PRKG1: variants seen among roughly 807,000 people sequenced by gnomAD.
PRKG1 encodes the protein protein kinase cGMP-dependent 1.
In PRKG1, 35 loss-of-function variants were observed where a neutral mutation model predicts 88.1. The ratio of observed to expected loss-of-function variants is 0.40; its 90% CI spans 0.30 to 0.53. The LOEUF is 0.53. Among genes scored for constraint, PRKG1 ranks in the 20% least tolerant of loss-of-function variants. The pLI is 0.59. For missense variants in PRKG1, 540 were observed against 839.8 expected (o/e 0.64, Z 4.41); for synonymous variants, 303 against 292.5 (o/e 1.04, Z -0.37).
In PRKG1 at chr10:51,091,734, G is replaced by C. The variant is rs144966647; in HGVS notation, c.311+16833G>C. On this transcript the variant is annotated intron_variant, in intron 1 of 17. Coordinates refer to ENST00000373980, the MANE Select transcript of PRKG1 (RefSeq NM_006258.4). ...GCAGTAACAACAGCAGTAGTAGCAGGTTGCCATTTATAGAATACTTACGGT... is the reference window on the plus strand; with the variant it reads ...GCAGTAACAACAGCAGTAGTAGCAGCTTGCCATTTATAGAATACTTACGGT... 1.2e-3 allele frequency among the ~76,000 whole-genome samples: 188 copies of C among 152,238 alleles called. 1 individual carries two copies. The highest frequency in any genetic ancestry group is 4.2e-3 in the African/African-American group (176 of 41,554).
chr10:52,099,109 C>T (rs761548408), intron 7 of PRKG1, among the ~76,000 whole-genome samples: 7 of 152,180 alleles, frequency 4.6e-5, no homozygotes, highest in Admixed American at 1.3e-4. Context: ...TGGACTGTTA[C>T]AAGTTGGCTT....
intron 1 of PRKG1, among the ~76,000 whole-genome samples, chr10:51,068,928 C>T (rs552169709): frequency 6.6e-6 from 1 of 152,004 alleles, no homozygotes; most frequent in African/African-American, 2.4e-5. Context: ...AAATTTTACA[C>T]TTATTTCAAA....
intron 2 of PRKG1, among the ~76,000 whole-genome samples, chr10:51,424,402 TC>T (rs1838512038): frequency 6.6e-6 from 1 of 152,130 alleles, no homozygotes; most frequent in South Asian, 2.1e-4. Context: ...AAAGAAAAAT[TC>T]TTTCAAGAAC....
intron 7 of PRKG1, among the ~76,000 whole-genome samples, chr10:52,116,408 A>G (rs1263184227): frequency 6.6e-6 from 1 of 152,148 alleles, no homozygotes; most frequent in Non-Finnish European, 1.5e-5. Flanking sequence ...TGAATGAATG[A>G]GCCGATGTTA....
At chr10:52,103,015 T>C (rs777723377) in intron 7 of PRKG1, among the ~76,000 whole-genome samples, 5 of 152,236 alleles carry the variant, frequency 3.3e-5, no homozygotes, top group Non-Finnish European at 7.3e-5. Context: ...CTCCACCTCC[T>C]GTCAGATCAG....
intron 1 of PRKG1, among the ~76,000 whole-genome samples, chr10:51,060,384 C>T (rs1485792600): frequency 6.6e-6 from 1 of 151,832 alleles, no homozygotes; most frequent in African/African-American, 2.4e-5. Context: ...ATTTTTCTTT[C>T]CTTTTTTGCC....
At chr10:51,358,749 G>A (rs956951729) in intron 2 of PRKG1, among the ~76,000 whole-genome samples, 2 of 151,996 alleles carry the variant, frequency 1.3e-5, no homozygotes, top group Non-Finnish European at 2.9e-5. Context: ...TAAAGCCTAA[G>A]TTAGCTAATT....
intron 3 of PRKG1, among the ~76,000 whole-genome samples, chr10:51,666,594 A>C (rs1299886555): frequency 6.6e-6 from 1 of 152,164 alleles, no homozygotes; most frequent in African/African-American, 2.4e-5. Context: ...AATGCTACTT[A>C]CCCTTGAAGT....
intron 2 of PRKG1, among the ~76,000 whole-genome samples, chr10:51,263,114 C>G (rs1048594702): frequency 6.6e-6 from 1 of 152,134 alleles, no homozygotes; most frequent in Admixed American, 6.6e-5. Context: ...GAACACAAGC[C>G]TTTATAGGAT....
chr10:51,164,263 C>T (rs1349706810), intron 2 of PRKG1, among the ~76,000 whole-genome samples: 1 of 152,198 alleles, frequency 6.6e-6, no homozygotes, highest in Admixed American at 6.5e-5. Context: ...TCTGCAGCCA[C>T]CGCTGCTGTT....
chr10:51,645,226 A>G (rs936472981), intron 3 of PRKG1, among the ~76,000 whole-genome samples: 1 of 152,162 alleles, frequency 6.6e-6, no homozygotes, highest in Non-Finnish European at 1.5e-5. Context: ...GTTTGTTTAC[A>G]TGTACATTTT....
intron 9 of PRKG1, among the ~76,000 whole-genome samples, chr10:52,179,944 C>T (rs557942632): frequency 2.6e-5 from 4 of 152,288 alleles, no homozygotes; most frequent in Non-Finnish European, 5.9e-5. Flanking sequence ...GCTTTGGCAT[C>T]CCAAAGTGCT....
intron 2 of PRKG1, among the ~76,000 whole-genome samples, chr10:51,342,920 G>T (rs79006222): frequency 6.6e-6 from 1 of 152,104 alleles, no homozygotes; most frequent in East Asian, 1.9e-4. Flanking sequence ...GTTAGGAGGG[G>T]TTCATCCATG....
intron 4 of PRKG1, among the ~76,000 whole-genome samples, chr10:51,901,926 T>C (rs1423937948): frequency 2.6e-5 from 4 of 152,048 alleles, no homozygotes; most frequent in African/African-American, 9.7e-5. Context: ...AAAAATATCA[T>C]TGATAAATAA....
At chr10:51,459,183 T>C (rs1156698485) in intron 2 of PRKG1, among the ~76,000 whole-genome samples, 4 of 152,064 alleles carry the variant, frequency 2.6e-5, no homozygotes, top group Non-Finnish European at 4.4e-5. Flanking sequence ...AAGCAGTAGA[T>C]CTTCCCTCAA....
Position 52,034,541 on chromosome 10 carries a change from G to A in PRKG1, c.763-19943G>A, listed in dbSNP as rs557431993. Among the ~76,000 whole-genome samples the A allele has an allele frequency of 8.4e-4, 128 of 151,942 alleles. 2 individuals carry two copies. In the Middle Eastern group the frequency reaches 0.02, roughly 24 times the overall value. On this transcript the variant is annotated intron_variant, in intron 5 of 17. Coordinates refer to ENST00000373980, the MANE Select transcript of PRKG1 (RefSeq NM_006258.4). ...GTATAAAAGGTCTAAGAATTGGGAC[G>A]ACTCAGGATATCTGATTAGAGAGTG...
intron 2 of PRKG1, among the ~76,000 whole-genome samples, chr10:51,294,695 C>T (rs1806177925): frequency 6.6e-6 from 1 of 152,128 alleles, no homozygotes; most frequent in Admixed American, 6.6e-5. Context: ...TATGCCACTA[C>T]TATACTGTTT....
intron 4 of PRKG1, among the ~76,000 whole-genome samples, chr10:51,864,076 G>T (rs1004727995): frequency 6.6e-6 from 1 of 152,170 alleles, no homozygotes; most frequent in African/African-American, 2.4e-5. Context: ...GTTTTCCTGG[G>T]ATTGAACATG....
chr10:51,230,334 C>T (rs1838810034), intron 2 of PRKG1, among the ~76,000 whole-genome samples: 1 of 152,122 alleles, frequency 6.6e-6, no homozygotes, highest in African/African-American at 2.4e-5. Context: ...TAATGGGTAC[C>T]TCTGGGAATT....
Sources: gnomAD v4.1 joint callset for allele counts (sites outside exome capture counted in the v4.1 genomes callset) on GRCh38, gnomAD v4.1.1 for gene constraint, MANE v1.5 for transcripts, NCBI Gene and HGNC (gene_info 2026-07-23, HGNC 2026-07-21) for gene names.